Variants in PLCL2 observed in about 807,000 individuals in gnomAD.
PLCL2 encodes inactive phospholipase C-like protein 2.
In PLCL2, 4 loss-of-function variants were observed where a neutral mutation model predicts 79.6. The ratio of observed to expected loss-of-function variants is 0.05; its 90% CI spans 0.02 to 0.11. The LOEUF is 0.11. PLCL2 is among the 10% of genes least tolerant of loss of function. The pLI is 1.00. For missense variants in PLCL2, 895 were observed against 1,291.0 expected (o/e 0.69, Z 4.70); for synonymous variants, 484 against 457.7 (o/e 1.06, Z -0.73).
chr3:17,054,201 A>G (rs1403660659), intron 4 of PLCL2, among the ~76,000 whole-genome samples: 1 of 152,132 alleles, frequency 6.6e-6, no homozygotes, highest in African/African-American at 2.4e-5. Flanking sequence ...ACAGATCCCT[A>G]GAGCAGGGAT....
chr3:16,956,005 T>C (rs958025528), intron 1 of PLCL2, among the ~76,000 whole-genome samples: 4 of 152,216 alleles, frequency 2.6e-5, no homozygotes, highest in African/African-American at 7.2e-5. Flanking sequence ...CTTTTCCTAA[T>C]TGAATACCCT....
chr3:16,993,970 G>A lies in PLCL2; in HGVS notation c.328-15704G>A, dbSNP rs184854918. Reference sequence around the variant, plus strand: ...TATTTAGAATGAATTTGGTGCCTGTGTGAAATTAATTGTACATTTACCCCT... The same window carrying A: ...TATTTAGAATGAATTTGGTGCCTGTATGAAATTAATTGTACATTTACCCCT... On this transcript the variant is annotated intron_variant, in intron 1 of 5. Coordinates refer to ENST00000615277, the MANE Select transcript of PLCL2 (RefSeq NM_001144382.2). 2.1e-3 allele frequency among the ~76,000 whole-genome samples: 313 copies of A among 152,262 alleles called. 1 individual carries two copies. Among genetic ancestry groups the A allele is most frequent in the African/African-American group, 5.8e-3 (241 of 41,542 alleles).
Position 16,885,293 on chromosome 3 carries a change from C to G in PLCL2, c.254C>G (p.Pro85Arg). The G allele has an allele frequency of 1.5e-6, 1 of 661,278 alleles. No individual in the cohort carries two copies. Among genetic ancestry groups the G allele is most frequent in the Admixed American group, 2.3e-5 (1 of 44,168 alleles). 41.0% of individuals were successfully genotyped at this position (661,278 alleles called of 1,614,324 possible). A position where few individuals can be genotyped will look rare whatever the true frequency, so the allele number is the denominator to read the frequency against. The change falls in exon 1 of 6, where the codon CCC becomes CGC. Residue 85 changes from proline to arginine, a missense_variant. Coordinates refer to ENST00000615277, the MANE Select transcript of PLCL2 (RefSeq NM_001144382.2). ...CGCGGCGTTGCGCTCGCCCCGACCC[C>G]CAGCGCGGTCGTCTGTACCCTCCCC... ...GPRGVALAPT[P>R]SAVVCTLPRE...
chr3:16,923,794 C>T (rs983180438), intron 1 of PLCL2, among the ~76,000 whole-genome samples: 7 of 152,082 alleles, frequency 4.6e-5, no homozygotes, highest in African/African-American at 1.7e-4. Context: ...TTAGACTACT[C>T]ATTTTCCTTC....
At chr3:16,952,360 CAAAAAAAAAAAAAAA>C (rs35421244) in intron 1 of PLCL2, among the ~76,000 whole-genome samples, 9 of 22,626 alleles carry the variant, frequency 4.0e-4, no homozygotes, top group East Asian at 1.6e-3. Context: ...GAACTTAAAG[CAAAAAAAAAAAAAAA>C]AAAAAAAAAA....
chr3:16,918,445 T>C (rs892008401), intron 1 of PLCL2, among the ~76,000 whole-genome samples: 1 of 152,154 alleles, frequency 6.6e-6, no homozygotes, highest in Non-Finnish European at 1.5e-5. Context: ...TGTATGAAAA[T>C]GCAATTAATT....
At chr3:16,980,954 C>T (rs1038806589) in intron 1 of PLCL2, among the ~76,000 whole-genome samples, 6 of 152,250 alleles carry the variant, frequency 3.9e-5, no homozygotes, top group Admixed American at 2.0e-4. Context: ...GCCAACACAG[C>T]GAAACCTCGT....
At chr3:17,047,228 G>A (rs2064789518) in intron 4 of PLCL2, among the ~76,000 whole-genome samples, 1 of 152,216 alleles carries the variant, frequency 6.6e-6, no homozygotes, top group Admixed American at 6.5e-5. Context: ...AGGAACTGAG[G>A]ATGTTCCCAA....
intron 1 of PLCL2, among the ~76,000 whole-genome samples, chr3:16,982,908 A>G (rs551638034): frequency 1.3e-5 from 2 of 152,358 alleles, no homozygotes; most frequent in South Asian, 4.1e-4. Flanking sequence ...TTATTTCTGT[A>G]TAACTGTGGC....
intron 5 of PLCL2, among the ~76,000 whole-genome samples, chr3:17,086,083 C>G (rs1246873889): frequency 6.6e-6 from 1 of 152,128 alleles, no homozygotes; most frequent in Admixed American, 6.6e-5. Flanking sequence ...TGGAAATTGA[C>G]AAACCGATTC....
intron 1 of PLCL2, among the ~76,000 whole-genome samples, chr3:16,910,720 C>T (rs191327558): frequency 2.8e-4 from 42 of 152,166 alleles, no homozygotes; most frequent in Non-Finnish European, 4.7e-4. Flanking sequence ...TCCACTATAT[C>T]CTACTAGATC....
At chr3:16,982,624 C>A (rs1214192386) in intron 1 of PLCL2, among the ~76,000 whole-genome samples, 1 of 152,162 alleles carries the variant, frequency 6.6e-6, no homozygotes, top group Non-Finnish European at 1.5e-5. Context: ...TAGTGTCTAG[C>A]GATTATGTCT....
chr3:16,885,424 TC>T (rs1332447798), intron 1 of PLCL2, 58 bp downstream of exon 1: 3 of 546,050 alleles, frequency 5.5e-6, no homozygotes, highest in African/African-American at 2.0e-5. Context: ...TTCTATTTTC[TC>T]CCTGGGGGAG....
chr3:16,975,540 G>C (rs1056700430), intron 1 of PLCL2, among the ~76,000 whole-genome samples: 1 of 152,186 alleles, frequency 6.6e-6, no homozygotes, highest in African/African-American at 2.4e-5. Flanking sequence ...ACTGGCAGAA[G>C]GGTCTGAGAG....
chr3:16,973,538 A>G (rs1021459572), intron 1 of PLCL2, among the ~76,000 whole-genome samples: 1 of 152,136 alleles, frequency 6.6e-6, no homozygotes, highest in African/African-American at 2.4e-5. Flanking sequence ...TAAATACTTT[A>G]AAATTATGCT....
At chr3:17,023,362 A>G (rs1290381495) in intron 3 of PLCL2, among the ~76,000 whole-genome samples, 1 of 152,092 alleles carries the variant, frequency 6.6e-6, no homozygotes, top group Non-Finnish European at 1.5e-5. Context: ...CTGTGTCCCC[A>G]CCCAAATCTC....
At chr3:17,029,106 GA>G (rs1300510370) in intron 3 of PLCL2, among the ~76,000 whole-genome samples, 2 of 152,094 alleles carry the variant, frequency 1.3e-5, no homozygotes, top group African/African-American at 4.8e-5. Flanking sequence ...CTAAGGCAGT[GA>G]GGGCTGGCTT....
At chr3:16,973,752 G>T (rs569487337) in intron 1 of PLCL2, among the ~76,000 whole-genome samples, 1 of 152,114 alleles carries the variant, frequency 6.6e-6, no homozygotes, top group South Asian at 2.1e-4. Context: ...TTTTTATTTA[G>T]GTTTGTCAGT....
chr3:17,068,911 T>A (rs2065035003), intron 5 of PLCL2, among the ~76,000 whole-genome samples: 2 of 152,244 alleles, frequency 1.3e-5, no homozygotes, highest in African/African-American at 4.8e-5. Flanking sequence ...TCATTCCAGG[T>A]CTTGGACAAT....
Sources: gnomAD v4.1 joint callset for allele counts (sites outside exome capture counted in the v4.1 genomes callset) on GRCh38, gnomAD v4.1.1 for gene constraint, MANE v1.5 for transcripts, NCBI Gene and HGNC (gene_info 2026-07-23, HGNC 2026-07-21) for gene names.